SLC24A2: variants seen among roughly 807,000 people sequenced by gnomAD.
The protein encoded by SLC24A2 is solute carrier family 24 member 2.
Under a neutral mutation model 62.0 loss-of-function variants are expected in SLC24A2, and 36 were observed. That is an observed-to-expected ratio of 0.58 (90% CI 0.44 to 0.77). The LOEUF is 0.77. Among genes scored for constraint, SLC24A2 ranks in the 30% least tolerant of loss-of-function variants. The probability of loss-of-function intolerance (pLI) is 0.00; values close to 1 mark genes in which losing one functional copy is unlikely to be tolerated. For synonymous variants in SLC24A2, 358 were observed against 294.0 expected (o/e 1.22, Z -2.23); for missense variants, 846 against 817.9 (o/e 1.03, Z -0.42).
chr9:19,617,933 T>C (rs146662919), intron 4 of SLC24A2, among the ~76,000 whole-genome samples: 1 of 152,340 alleles, frequency 6.6e-6, no homozygotes, highest in East Asian at 1.9e-4. Context: ...AATGCAGGAA[T>C]GCAGGCAAGC....
At chr9:19,686,175 A>T (rs868400845) in intron 2 of SLC24A2, among the ~76,000 whole-genome samples, 2 of 152,108 alleles carry the variant, frequency 1.3e-5, no homozygotes, top group Admixed American at 6.6e-5. Context: ...CAACATCATT[A>T]ATCATTAGAG....
the SLC24A2 span, among the ~76,000 whole-genome samples, chr9:19,887,679 G>A: frequency 1.3e-5 from 2 of 152,142 alleles, no homozygotes; most frequent in Non-Finnish European, 1.5e-5. Context: ...ACTACCATGT[G>A]AGCCAGCAAT....
the SLC24A2 span, among the ~76,000 whole-genome samples, chr9:20,147,234 G>A: frequency 4.3e-3 from 654 of 152,180 alleles, 7 homozygotes; most frequent in African/African-American, 0.015. Context: ...AAAGATCCAG[G>A]GCAGCTCTCT....
the SLC24A2 span, among the ~76,000 whole-genome samples, chr9:20,048,593 G>C: frequency 1.3e-5 from 2 of 152,126 alleles, no homozygotes; most frequent in Non-Finnish European, 2.9e-5. Flanking sequence ...AATTAAAGGA[G>C]TCAACATTCA....
the SLC24A2 span, among the ~76,000 whole-genome samples, chr9:20,164,048 T>A: frequency 1.3e-5 from 2 of 152,114 alleles, no homozygotes; most frequent in South Asian, 2.1e-4. Flanking sequence ...AACCTAGGCA[T>A]TACCATTCAG....
In SLC24A2 at chr9:19,510,417, G is replaced by C. The variant is rs1832672530; in HGVS notation, c.*5736C>G. 8.0e-6 allele frequency: 1 copy of C among 125,576 alleles called. No individual in the cohort carries two copies. Among genetic ancestry groups the C allele is most frequent in the African/African-American group, 3.1e-5 (1 of 32,542 alleles). 7.8% of individuals were successfully genotyped at this position (125,576 alleles called of 1,614,324 possible). ...TGGGGCAAAGAGTGAAGAGTGCCCA[G>C]ATGCAGTTACTTTTTGCCAAAAAAA... On this transcript the variant is annotated 3_prime_UTR_variant, in exon 11 of 11. Transcript: ENST00000341998.
chr9:20,118,602 T>C, the SLC24A2 span, among the ~76,000 whole-genome samples: 1 of 152,048 alleles, frequency 6.6e-6, no homozygotes, highest in Non-Finnish European at 1.5e-5. Flanking sequence ...GGTATTTATA[T>C]CTACAATTCA....
At chr9:19,793,928 T>C (rs575446203), upstream of SLC24A2, among the ~76,000 whole-genome samples, 1 of 152,372 alleles carries the variant, frequency 6.6e-6, no homozygotes, top group East Asian at 1.9e-4. Flanking sequence ...CAAAATATCC[T>C]GATGTTCTTT....
intron 5 of SLC24A2, among the ~76,000 whole-genome samples, chr9:19,590,058 A>G (rs531867411): frequency 8.7e-4 from 133 of 152,316 alleles, no homozygotes; most frequent in African/African-American, 3.2e-3. Context: ...TTTCCTGACC[A>G]GCTAGACTTA....
intron 2 of SLC24A2, among the ~76,000 whole-genome samples, chr9:19,629,337 G>A (rs986375477): frequency 3.9e-5 from 6 of 152,314 alleles, no homozygotes; most frequent in Non-Finnish European, 5.9e-5. Flanking sequence ...GAACTGTTAT[G>A]AGCTCTGACT....
the SLC24A2 span, among the ~76,000 whole-genome samples, chr9:20,248,036 A>G: frequency 1.3e-5 from 2 of 152,240 alleles, no homozygotes; most frequent in African/African-American, 2.4e-5. Flanking sequence ...AGCAAAGAGC[A>G]TGAAAGTGGA....
At chr9:19,937,921 G>T in the SLC24A2 span, among the ~76,000 whole-genome samples, 2 of 152,048 alleles carry the variant, frequency 1.3e-5, no homozygotes, top group Admixed American at 6.6e-5. Context: ...ACTAACAATT[G>T]TGGTTTGCTT....
At chr9:19,625,825 T>A (rs962893148) in intron 2 of SLC24A2, among the ~76,000 whole-genome samples, 1 of 151,994 alleles carries the variant, frequency 6.6e-6, no homozygotes, top group Non-Finnish European at 1.5e-5. Context: ...TAGCTGGGAT[T>A]ACAGGTGCCC....
chr9:20,233,003 C>T, the SLC24A2 span, among the ~76,000 whole-genome samples: 8 of 152,244 alleles, frequency 5.3e-5, no homozygotes, highest in Admixed American at 5.2e-4. Flanking sequence ...CATTCAGGAG[C>T]AGGTTGTTCA....
At chr9:19,850,879 T>C in the SLC24A2 span, among the ~76,000 whole-genome samples, 11 of 144,270 alleles carry the variant, frequency 7.6e-5, no homozygotes, top group African/African-American at 2.8e-4. Context: ...GATATTTAGA[T>C]TGTTTCCAGT....
the SLC24A2 span, among the ~76,000 whole-genome samples, chr9:20,177,739 C>T: frequency 6.6e-6 from 1 of 152,046 alleles, no homozygotes; most frequent in East Asian, 1.9e-4. Flanking sequence ...ACATGCAAGA[C>T]AAGAAAACTA....
At chr9:19,785,802 C>T in intron 2 of SLC24A2, 135 bp downstream of exon 2, 2 of 1,164,198 alleles carry the variant, frequency 1.7e-6, no homozygotes, top group Non-Finnish European at 2.5e-6. Context: ...CTAGCTATCA[C>T]AGAACTGCAG....
the SLC24A2 span, among the ~76,000 whole-genome samples, chr9:20,079,585 T>C: frequency 6.6e-5 from 10 of 152,342 alleles, no homozygotes; most frequent in South Asian, 2.1e-3. Context: ...TCTGTTATTT[T>C]GCAGTTTTGA....
At chr9:20,089,028 C>A in the SLC24A2 span, among the ~76,000 whole-genome samples, 1 of 152,146 alleles carries the variant, frequency 6.6e-6, no homozygotes, top group Admixed American at 6.5e-5. Context: ...CTGGGTGGGT[C>A]CCCCCAGCCT....
Sources: gnomAD v4.1 joint callset for allele counts (sites outside exome capture counted in the v4.1 genomes callset) on GRCh38, gnomAD v4.1.1 for gene constraint, MANE v1.5 for transcripts, NCBI Gene and HGNC (gene_info 2026-07-23, HGNC 2026-07-21) for gene names.